HECW1: variants seen among roughly 807,000 people sequenced by gnomAD.
The protein encoded by HECW1 is HECT, C2 and WW domain containing E3 ubiquitin protein ligase 1, also known as E3 ubiquitin-protein ligase HECW1.
HECW1 carries 61 observed loss-of-function variants against 182.3 expected under a neutral mutation model. The ratio of observed to expected loss-of-function variants is 0.33; its 90% CI spans 0.27 to 0.41. HECW1 has a LOEUF of 0.41. Ranked by LOEUF, HECW1 falls within the 10% of genes least tolerant of loss-of-function variation. The pLI is 1.00. For synonymous variants in HECW1, 859 were observed against 832.6 expected (o/e 1.03, Z -0.55); for missense variants, 1,739 against 2,108.9 (o/e 0.82, Z 3.44).
intron 2 of HECW1, chr7:43,161,791 T>C (rs1790559063): frequency 6.6e-6 from 1 of 152,280 alleles, no homozygotes; most frequent in Non-Finnish European, 1.5e-5. Flanking sequence ...TTTTCCTTTT[T>C]CTCCAGTCCC....
intron 22 of HECW1, among the ~76,000 whole-genome samples, chr7:43,507,610 T>C (rs2079640126): frequency 6.6e-6 from 1 of 152,190 alleles, no homozygotes; most frequent in Non-Finnish European, 1.5e-5. Flanking sequence ...GGAAAAAAAT[T>C]TAACTCATTG....
At chr7:43,256,566 G>A (rs113316074) in intron 3 of HECW1, among the ~76,000 whole-genome samples, 19 of 145,898 alleles carry the variant, frequency 1.3e-4, no homozygotes, top group East Asian at 4.0e-4. Flanking sequence ...CCAAGATTGC[G>A]CCACTGCACT....
At chr7:43,466,395 T>A in intron 14 of HECW1, 52 bp from the exon 15 acceptor site, 1 of 1,595,550 alleles carries the variant, frequency 6.3e-7, no homozygotes, top group Non-Finnish European at 8.6e-7. Context: ...GTACAGAGGT[T>A]GAAATGCCTT....
chr7:43,482,865 ACTGCACTCCAG>A, intron 17 of HECW1, among the ~76,000 whole-genome samples: 1 of 152,324 alleles, frequency 6.6e-6, no homozygotes, highest in African/African-American at 2.4e-5. Flanking sequence ...TGTTCACACC[ACTGCACTCCAG>A]CCTAGGCAAC....
At chr7:43,382,830 G>C (rs1298331745) in intron 6 of HECW1, among the ~76,000 whole-genome samples, 1 of 152,118 alleles carries the variant, frequency 6.6e-6, no homozygotes, top group East Asian at 1.9e-4. Flanking sequence ...TTGTTACATA[G>C]GTATACATGT....
chr7:43,464,420 T>C (rs1350121019), intron 14 of HECW1, among the ~76,000 whole-genome samples: 1 of 152,148 alleles, frequency 6.6e-6, no homozygotes, highest in Non-Finnish European at 1.5e-5. Context: ...CTGGTTTTCA[T>C]GGTTTTCATT....
chr7:43,421,449 C>T (rs1054004847), intron 8 of HECW1, among the ~76,000 whole-genome samples: 4 of 151,936 alleles, frequency 2.6e-5, no homozygotes, highest in African/African-American at 9.7e-5. Context: ...AATTGAATGG[C>T]AATAAAATTA....
chr7:43,559,798 T>C (rs539760793), intron 29 of HECW1, among the ~76,000 whole-genome samples: 3 of 152,260 alleles, frequency 2.0e-5, no homozygotes, highest in African/African-American at 7.2e-5. Flanking sequence ...CTCTTAGGAA[T>C]GCTGAATTGG....
chr7:43,268,788 T>G (rs528568244), intron 3 of HECW1, among the ~76,000 whole-genome samples: 11 of 152,250 alleles, frequency 7.2e-5, no homozygotes, highest in South Asian at 4.1e-4. Context: ...TTGTTTGTTT[T>G]TTTAACAAGA....
At chr7:43,189,201 C>G (rs12669012) in intron 2 of HECW1, among the ~76,000 whole-genome samples, 1 of 151,984 alleles carries the variant, frequency 6.6e-6, no homozygotes, top group Non-Finnish European at 1.5e-5. Context: ...AAGAACAAAT[C>G]TCTTTTAAAA....
chr7:43,216,077 A>G (rs1796415752), intron 2 of HECW1, among the ~76,000 whole-genome samples: 1 of 152,122 alleles, frequency 6.6e-6, no homozygotes, highest in African/African-American at 2.4e-5. Context: ...GTCATTTTAT[A>G]TGGTCTTTGT....
At chr7:43,238,608 G>A (rs1480002261) in intron 2 of HECW1, among the ~76,000 whole-genome samples, 1 of 152,170 alleles carries the variant, frequency 6.6e-6, no homozygotes, top group Non-Finnish European at 1.5e-5. Flanking sequence ...CCATCTTTAT[G>A]TTCTCCCTGT....
At chr7:43,215,584 A>G (rs1447537985) in intron 2 of HECW1, among the ~76,000 whole-genome samples, 1 of 152,226 alleles carries the variant, frequency 6.6e-6, no homozygotes, top group Non-Finnish European at 1.5e-5. Flanking sequence ...TTAATACAAT[A>G]TCTATCCTAG....
At chr7:43,261,289 G>A (rs1236063436) in intron 3 of HECW1, among the ~76,000 whole-genome samples, 1 of 152,168 alleles carries the variant, frequency 6.6e-6, no homozygotes, top group Non-Finnish European at 1.5e-5. Flanking sequence ...CCCTTAAACA[G>A]GAGCCTTATG....
intron 3 of HECW1, among the ~76,000 whole-genome samples, chr7:43,306,167 G>C (rs1807536922): frequency 6.6e-6 from 1 of 152,216 alleles, no homozygotes; most frequent in Non-Finnish European, 1.5e-5. Context: ...AAAGTGCTGG[G>C]ATTACAGGCA....
intron 2 of HECW1, among the ~76,000 whole-genome samples, chr7:43,185,039 C>T (rs181181019): frequency 2.3e-3 from 349 of 152,268 alleles, no homozygotes; most frequent in South Asian, 0.015. Context: ...CAGGCCCCAC[C>T]TCCAACATTG....
At chr7:43,250,670 T>C (rs1276310886) in intron 3 of HECW1, among the ~76,000 whole-genome samples, 3 of 152,216 alleles carry the variant, frequency 2.0e-5, no homozygotes, top group Non-Finnish European at 4.4e-5. Context: ...TCTCTGAACT[T>C]GCGTAAAAAA....
At chr7:43,416,520 T>C (rs367879190) in intron 8 of HECW1, among the ~76,000 whole-genome samples, 1 of 152,082 alleles carries the variant, frequency 6.6e-6, no homozygotes. Flanking sequence ...GGGCCTACAG[T>C]GGCAGGCAGG....
intron 8 of HECW1, among the ~76,000 whole-genome samples, chr7:43,420,889 C>T (rs1424309840): frequency 2.0e-5 from 3 of 152,010 alleles, no homozygotes; most frequent in Admixed American, 1.3e-4. Context: ...GTGGTTTCAG[C>T]GATATCCTAA....
Sources: gnomAD v4.1 joint callset for allele counts (sites outside exome capture counted in the v4.1 genomes callset) on GRCh38, gnomAD v4.1.1 for gene constraint, MANE v1.5 for transcripts, NCBI Gene and HGNC (gene_info 2026-07-23, HGNC 2026-07-21) for gene names.